The following PLEK2 variants were observed in gnomAD, a reference collection of about 807,000 sequenced individuals.
PLEK2 encodes the protein pleckstrin 2, also known as pleckstrin-2.
PLEK2 carries 29 observed loss-of-function variants against 43.8 expected under a neutral mutation model. The ratio of observed to expected loss-of-function variants is 0.66; its 90% CI spans 0.49 to 0.90. PLEK2 has a LOEUF of 0.90. Among genes scored for constraint, PLEK2 ranks in the 40% least tolerant of loss-of-function variants. PLEK2 has a pLI of 0.00. For missense variants in PLEK2, 398 were observed against 448.1 expected (o/e 0.89, Z 1.01); for synonymous variants, 162 against 173.2 (o/e 0.94, Z 0.51).
At chr14:67,402,331 G>T (rs1262649413) in intron 1 of PLEK2, among the ~76,000 whole-genome samples, 1 of 152,074 alleles carries the variant, frequency 6.6e-6, no homozygotes, top group African/African-American at 2.4e-5. Context: ...TGGGGTACAT[G>T]AGCTATTTTG....
intron 3 of PLEK2, among the ~76,000 whole-genome samples, chr14:67,393,743 C>A (rs572343345): frequency 6.6e-6 from 1 of 152,072 alleles, no homozygotes; most frequent in East Asian, 1.9e-4. Context: ...TGTGAGCCAC[C>A]GTGCCTGGCC....
chr14:67,396,944 C>CT (rs72102932), intron 2 of PLEK2, among the ~76,000 whole-genome samples: 34,424 of 139,748 alleles, frequency 0.25, 4,230 homozygotes, highest in African/African-American at 0.52. Flanking sequence ...TATTGGGAGA[C>CT]TTTTTTTTTT....
Position 67,397,815 on chromosome 14 carries a change from G to A in PLEK2, c.54C>T (p.Val18=), listed in dbSNP as rs2086021621. 6.2e-7 allele frequency: 1 copy of A among 1,610,942 alleles called. No homozygotes were observed. The highest frequency in any genetic ancestry group is 8.5e-7 in the Non-Finnish European group (1 of 1,178,502). The change falls in exon 2 of 9, where the codon GTC becomes GTT. Residue 18 remains valine (V), a synonymous_variant. Coordinates refer to ENST00000216446, the MANE Select transcript of PLEK2 (RefSeq NM_016445.3). ...TGAACCATCGCGCCTTCCAGTTGTGGACAATGTGGCCCTATGGACAGACAA... is the reference window on the plus strand; with the variant it reads ...TGAACCATCGCGCCTTCCAGTTGTGAACAATGTGGCCCTATGGACAGACAA... ...EGFLVKRGHI[V]HNWKARWFIL... is the part of the protein sequence containing the mutation.
intron 8 of PLEK2, 144 bp downstream of exon 8, chr14:67,388,080 A>G: frequency 3.4e-6 from 2 of 595,832 alleles, no homozygotes; most frequent in Non-Finnish European, 6.1e-6. Flanking sequence ...CAATTCTGAA[A>G]TTCACTTCAA....
At chr14:67,395,706 G>A (rs556794880) in intron 2 of PLEK2, 123 bp from the exon 3 acceptor site, 41 of 693,982 alleles carry the variant, frequency 5.9e-5, no homozygotes, top group East Asian at 4.4e-4. Flanking sequence ...CTGAGCCCTC[G>A]GCCACATAGC....
Position 67,412,108 on chromosome 14 carries a change from T to C in PLEK2, c.-49A>G. On this transcript the variant is annotated 5_prime_UTR_variant, in exon 1 of 9. Transcript: ENST00000216446. ...ACCCCAGGTGCGCCTTCCCCGCGCC[T>C]CGCGCTCCTCGGCACCCGCGCAGCC... 1 of 1,461,098 alleles carries C rather than the reference T, an allele frequency of 6.8e-7. No individual in the cohort carries two copies. The highest frequency in any genetic ancestry group is 9.0e-7 in the Non-Finnish European group (1 of 1,105,294). 90.5% of individuals were successfully genotyped at this position (1,461,098 alleles called of 1,614,324 possible).
intron 1 of PLEK2, among the ~76,000 whole-genome samples, chr14:67,409,628 C>T (rs1015965947): frequency 1.3e-5 from 2 of 152,162 alleles, no homozygotes; most frequent in Non-Finnish European, 2.9e-5. Context: ...GCCCAGTGAG[C>T]TCCTTGCATT....
At chr14:67,397,162 C>G (rs945381659) in intron 2 of PLEK2, among the ~76,000 whole-genome samples, 2 of 152,166 alleles carry the variant, frequency 1.3e-5, no homozygotes, top group Non-Finnish European at 2.9e-5. Flanking sequence ...TGGTGTCAAA[C>G]TCCTCACCGC....
At chr14:67,396,417 A>G (rs369972344) in intron 2 of PLEK2, among the ~76,000 whole-genome samples, 3 of 151,284 alleles carry the variant, frequency 2.0e-5, no homozygotes, top group African/African-American at 7.3e-5. Context: ...CAAAGTGCTG[A>G]GATTACAGGC....
chr14:67,411,729 T>G (rs1389630233), intron 1 of PLEK2, among the ~76,000 whole-genome samples: 1 of 152,264 alleles, frequency 6.6e-6, no homozygotes, highest in Non-Finnish European at 1.5e-5. Context: ...CATAATATTT[T>G]AACAAGTTTT....
intron 1 of PLEK2, among the ~76,000 whole-genome samples, 178 bp downstream of exon 1, chr14:67,411,840 C>T (rs1323386947): frequency 6.6e-6 from 1 of 152,268 alleles, no homozygotes; most frequent in Admixed American, 6.5e-5. Context: ...GCTTACCCCG[C>T]GTCCCCTCGG....
At chr14:67,401,727 G>A (rs1002590884) in intron 1 of PLEK2, among the ~76,000 whole-genome samples, 1 of 152,294 alleles carries the variant, frequency 6.6e-6, no homozygotes, top group African/African-American at 2.4e-5. Context: ...CACCTATTCT[G>A]TGATATTTAG....
chr14:67,392,284 T>G, intron 6 of PLEK2, 42 bp downstream of exon 6: 33 of 1,297,504 alleles, frequency 2.5e-5, no homozygotes, highest in Non-Finnish European at 3.6e-5. Context: ...CCCCTAAGCT[T>G]GAGAACTGTC....
intron 1 of PLEK2, among the ~76,000 whole-genome samples, chr14:67,402,544 T>G (rs2086055716): frequency 6.6e-6 from 1 of 152,222 alleles, no homozygotes; most frequent in Non-Finnish European, 1.5e-5. Flanking sequence ...AATTTTTTTG[T>G]ACCCATTAAC....
At chr14:67,398,003 T>G (rs1376114682) in intron 1 of PLEK2, 177 bp from the exon 2 acceptor site, 10 of 443,512 alleles carry the variant, frequency 2.3e-5, no homozygotes, top group Admixed American at 4.2e-5. Flanking sequence ...CCTTTGGCAC[T>G]GACCTTCTAG....
Position 67,388,268 on chromosome 14 carries a change from C to T in PLEK2, c.890G>A (p.Arg297His), listed in dbSNP as rs1595653950. The change falls in exon 8 of 9, where the codon CGT becomes CAT. Residue 297 changes from arginine to histidine, a missense_variant. Physicochemically the swap from Arg to His is conservative, Grantham distance 29. Transcript: ENST00000216446. ...ENRPVGGFSL[R>H]GSLVSALEDN... The stretch of plus-strand genomic sequence containing the variant: ...TTCCAGAGCAGACACGAGTGAACCA[C>T]GAAGAGAAAACCCACCCACTGGCCT... 2 of 1,613,536 alleles carry T rather than the reference C, an allele frequency of 1.2e-6. No homozygotes were observed. Among genetic ancestry groups the T allele is most frequent in the Non-Finnish European group, 1.7e-6 (2 of 1,179,552 alleles).
At chr14:67,404,162 T>A (rs571103258) in intron 1 of PLEK2, among the ~76,000 whole-genome samples, 1 of 152,326 alleles carries the variant, frequency 6.6e-6, no homozygotes, top group African/African-American at 2.4e-5. Flanking sequence ...TAAATATATA[T>A]GGTAACAACA....
intron 4 of PLEK2, 53 bp downstream of exon 4, chr14:67,393,097 C>T: frequency 7.6e-7 from 1 of 1,314,966 alleles, no homozygotes; most frequent in Non-Finnish European, 1.1e-6. Flanking sequence ...CTGAGCCCTG[C>T]ATCACCATGT....
At chr14:67,398,464 C>A (rs1385054072) in intron 1 of PLEK2, among the ~76,000 whole-genome samples, 2 of 152,176 alleles carry the variant, frequency 1.3e-5, no homozygotes, top group African/African-American at 4.8e-5. Context: ...CTGAGAGCCA[C>A]CTAAACTACC....
Sources: allele counts gnomAD v4.1 joint callset (sites outside exome capture counted in the v4.1 genomes callset), GRCh38; gene constraint gnomAD v4.1.1; transcripts MANE v1.5; gene names NCBI Gene and HGNC (gene_info 2026-07-23, HGNC 2026-07-21).